The following ZNF365 variants were observed in gnomAD, a reference collection of about 807,000 sequenced individuals.
ZNF365 encodes the protein protein ZNF365.
Under a neutral mutation model 35.0 loss-of-function variants are expected in ZNF365, and 22 were observed. The observed-to-expected ratio is 0.63, with a 90% CI of 0.45 to 0.90. ZNF365 has a LOEUF of 0.90. Among genes scored for constraint, ZNF365 ranks in the 40% least tolerant of loss-of-function variants. The pLI is 0.00. For synonymous variants in ZNF365, 188 were observed against 196.2 expected (o/e 0.96, Z 0.35); for missense variants, 448 against 500.3 (o/e 0.90, Z 1.00).
At chr10:62,456,042 C>T (rs1019494598) in intron 3 of ZNF365, among the ~76,000 whole-genome samples, 6 of 152,172 alleles carry the variant, frequency 3.9e-5, no homozygotes, top group East Asian at 3.8e-4. Flanking sequence ...AAACTTGCTG[C>T]GGTGATGGTG....
At chr10:62,422,226 C>T (rs1840180193) in intron 3 of ZNF365, among the ~76,000 whole-genome samples, 1 of 152,104 alleles carries the variant, frequency 6.6e-6, no homozygotes, top group African/African-American at 2.4e-5. Context: ...CAAGGCATGT[C>T]ATCTTGTTCA....
chr10:62,407,366 C>T (rs534151733), downstream of ZNF365, among the ~76,000 whole-genome samples: 1 of 152,162 alleles, frequency 6.6e-6, no homozygotes, highest in Non-Finnish European at 1.5e-5. Flanking sequence ...TTAAGCTTTT[C>T]CTTTGAGATA....
intron 3 of ZNF365, among the ~76,000 whole-genome samples, chr10:62,424,555 A>G (rs1428969369): frequency 6.6e-6 from 1 of 152,184 alleles, no homozygotes; most frequent in Non-Finnish European, 1.5e-5. Flanking sequence ...CTGATCACAA[A>G]ACACCTGTCA....
At chr10:62,442,592 T>C (rs144374221) in intron 3 of ZNF365, among the ~76,000 whole-genome samples, 1,671 of 152,284 alleles carry the variant, frequency 0.011, 12 homozygotes, top group South Asian at 0.036. Context: ...TTTGGCTGCT[T>C]AAAGGTCAAC....
intron 3 of ZNF365, among the ~76,000 whole-genome samples, chr10:62,443,023 A>C (rs2132466404): frequency 6.6e-6 from 1 of 152,316 alleles, no homozygotes; most frequent in East Asian, 1.9e-4. Context: ...TGCTCCCTGC[A>C]AGGGCTCAAC....
intron 3 of ZNF365, among the ~76,000 whole-genome samples, chr10:62,431,458 CTT>C (rs1197373922): frequency 2.0e-5 from 3 of 152,106 alleles, no homozygotes. Context: ...GATCTTTCCT[CTT>C]ATTTTTTTAA....
chr10:62,459,331 G>T (rs1315242353), intron 3 of ZNF365, among the ~76,000 whole-genome samples: 1 of 152,176 alleles, frequency 6.6e-6, no homozygotes, highest in African/African-American at 2.4e-5. Flanking sequence ...ATCTTTTAAT[G>T]GCATAATGTG....
intron 4 of ZNF365, among the ~76,000 whole-genome samples, chr10:62,471,606 A>G (rs986852348): frequency 2.0e-5 from 3 of 152,168 alleles, no homozygotes; most frequent in African/African-American, 7.2e-5. Flanking sequence ...TTAATTTATG[A>G]TTATATGGCT....
At chr10:62,375,872 C>A (rs954325027) in intron 1 of ZNF365, 7 of 239,692 alleles carry the variant, frequency 2.9e-5, no homozygotes, top group Non-Finnish European at 3.9e-5. Context: ...TAGGAGTTGG[C>A]AAACTTTTTC....
chr10:62,374,542 C>G (rs922553454), intron 1 of ZNF365, 84 bp downstream of exon 1: 3 of 152,226 alleles, frequency 2.0e-5, no homozygotes, highest in East Asian at 1.9e-4. Flanking sequence ...AGGGGGTCCC[C>G]GAGCCCGCAG....
intron 3 of ZNF365, among the ~76,000 whole-genome samples, chr10:62,430,711 G>A (rs938093300): frequency 6.6e-6 from 1 of 152,160 alleles, no homozygotes; most frequent in Non-Finnish European, 1.5e-5. Context: ...GCCAAAACAG[G>A]AAGGAGAAAG....
At chr10:62,455,798 C>A (rs1047628888) in intron 3 of ZNF365, among the ~76,000 whole-genome samples, 2 of 152,112 alleles carry the variant, frequency 1.3e-5, no homozygotes, top group Non-Finnish European at 2.9e-5. Context: ...TGTATTCTGC[C>A]ATTTTACTGA....
chr10:62,457,262 G>A (rs115307309), intron 3 of ZNF365, among the ~76,000 whole-genome samples: 7 of 152,262 alleles, frequency 4.6e-5, no homozygotes, highest in East Asian at 1.9e-4. Context: ...CAAATCAACC[G>A]AATGGAGACG....
At chr10:62,452,112 G>A (rs141837280) in intron 3 of ZNF365, among the ~76,000 whole-genome samples, 1 of 152,284 alleles carries the variant, frequency 6.6e-6, no homozygotes, top group Non-Finnish European at 1.5e-5. Context: ...TCTATGCCAA[G>A]AACAGTGTTT....
At position 62,376,446 on chromosome 10, in the gene ZNF365, T is replaced by C; in HGVS notation, c.253T>C (p.Leu85=). ...CTCAGAACTCCTGAAACCGGGAAAA[T>C]TGCAGAGCAGTGGCAACGTGGTAAA... ...TSSELLKPGK[L]QSSGNVVKQK... Residue 85 remains leucine (L), a synonymous_variant, in exon 2 of 5, where the codon TTG becomes CTG. Coordinates refer to ENST00000395254, the MANE Select transcript of ZNF365 (RefSeq NM_014951.3). 6.2e-7 allele frequency: 1 copy of C among 1,614,078 alleles called. No individual in the cohort carries two copies. The highest frequency in any genetic ancestry group is 8.5e-7 in the Non-Finnish European group (1 of 1,180,016).
chr10:62,454,808 C>G (rs549253506), intron 3 of ZNF365, among the ~76,000 whole-genome samples: 1 of 152,256 alleles, frequency 6.6e-6, no homozygotes, highest in East Asian at 1.9e-4. Context: ...CCTCAAGGAG[C>G]GCATACTTGA....
At chr10:62,451,700 C>T (rs1305311145) in intron 3 of ZNF365, among the ~76,000 whole-genome samples, 2 of 152,216 alleles carry the variant, frequency 1.3e-5, no homozygotes, top group African/African-American at 2.4e-5. Flanking sequence ...GACATTCCCT[C>T]TCTGGCCCCA....
chr10:62,479,836 C>A, intron 4 of ZNF365: 1 of 1,435,784 alleles, frequency 7.0e-7, no homozygotes, highest in Non-Finnish European at 9.8e-7. Flanking sequence ...CTAGATACCA[C>A]TGCAACTCTA....
At chr10:62,439,435 C>G (rs1374250603) in intron 3 of ZNF365, among the ~76,000 whole-genome samples, 1 of 152,100 alleles carries the variant, frequency 6.6e-6, no homozygotes, top group African/African-American at 2.4e-5. Flanking sequence ...CCTCCCTTTC[C>G]CAGATTCTCT....
Sources: gnomAD v4.1 joint callset for allele counts (sites outside exome capture counted in the v4.1 genomes callset) on GRCh38, gnomAD v4.1.1 for gene constraint, MANE v1.5 for transcripts, NCBI Gene and HGNC (gene_info 2026-07-23, HGNC 2026-07-21) for gene names.